The following PILRA variants were observed in gnomAD, a reference collection of about 807,000 sequenced individuals.
PILRA encodes the protein paired immunoglobulin-like type 2 receptor alpha.
A neutral mutation model predicts 33.1 loss-of-function variants in PILRA; 37 were observed. The ratio of observed to expected loss-of-function variants is 1.12; its 90% CI spans 0.86 to 1.47. The LOEUF is 1.47. Ranked by LOEUF, PILRA falls within the 40% of genes most tolerant of loss-of-function variation. The pLI, the probability that PILRA is intolerant of heterozygous loss-of-function variation, is 0.00. For missense variants in PILRA, 312 were observed against 376.2 expected, an observed-to-expected ratio of 0.83 and a Z score of 1.41; for synonymous variants, 146 against 149.9, an observed-to-expected ratio of 0.97 and a Z score of 0.19.
At chr7:100,383,739 G>A (rs1289031320) in intron 2 of PILRA, among the ~76,000 whole-genome samples, 2 of 151,848 alleles carry the variant, frequency 1.3e-5, no homozygotes, top group African/African-American at 2.4e-5. Context: ...TGGGTTCAAG[G>A]GATTCTCCTG....
intron 2 of PILRA, among the ~76,000 whole-genome samples, chr7:100,376,847 G>A (rs1191763345): frequency 2.8e-5 from 4 of 142,650 alleles, no homozygotes; most frequent in African/African-American, 5.2e-5. Flanking sequence ...CTGCAGTGTC[G>A]ACCTCCCAGG....
At chr7:100,399,403 C>T in intron 5 of PILRA, 63 bp downstream of exon 5, 1 of 1,465,694 alleles carries the variant, frequency 6.8e-7, no homozygotes, top group Non-Finnish European at 9.6e-7. Context: ...TCCCCAAATA[C>T]CCCCTACCTG....
chr7:100,382,164 G>A (rs1791120319), intron 2 of PILRA, among the ~76,000 whole-genome samples: 1 of 152,234 alleles, frequency 6.6e-6, no homozygotes, highest in Non-Finnish European at 1.5e-5. Context: ...CTGCCTGGTT[G>A]GGGATCCAAT....
At chr7:100,375,894 T>C (rs572628970) in intron 2 of PILRA, among the ~76,000 whole-genome samples, 3 of 152,226 alleles carry the variant, frequency 2.0e-5, no homozygotes, top group African/African-American at 7.2e-5. Context: ...CACTAATAGA[T>C]CTTCTGTTTT....
chr7:100,382,784 T>A (rs1429401980), intron 2 of PILRA, among the ~76,000 whole-genome samples: 1 of 152,166 alleles, frequency 6.6e-6, no homozygotes, highest in Non-Finnish European at 1.5e-5. Flanking sequence ...CTTTATGAGC[T>A]GTAACACTCA....
chr7:100,396,699 C>T (rs907402464), intron 3 of PILRA, among the ~76,000 whole-genome samples: 81 of 151,798 alleles, frequency 5.3e-4, no homozygotes, highest in African/African-American at 2.0e-3. Context: ...ACAGTATAAA[C>T]GAAACTGGAA....
upstream of PILRA, among the ~76,000 whole-genome samples, chr7:100,372,111 T>C (rs1251099260): frequency 1.3e-5 from 2 of 152,156 alleles, no homozygotes; most frequent in Non-Finnish European, 2.9e-5. Context: ...TTGTCCTCTC[T>C]GCAGCCCATC....
At chr7:100,373,906 G>A in intron 1 of PILRA, 138 bp from the exon 2 acceptor site, 2 of 1,277,426 alleles carry the variant, frequency 1.6e-6, no homozygotes, top group South Asian at 2.8e-5. Context: ...AAGAGTGGGA[G>A]ACCCAGGCCA....
chr7:100,386,462 C>T (rs1791253652), intron 2 of PILRA, among the ~76,000 whole-genome samples: 1 of 151,926 alleles, frequency 6.6e-6, no homozygotes, highest in Non-Finnish European at 1.5e-5. Context: ...CGAGATTGTA[C>T]CACTGCACTT....
intron 3 of PILRA, among the ~76,000 whole-genome samples, chr7:100,393,916 C>T (rs1791440512): frequency 6.6e-6 from 1 of 152,192 alleles, no homozygotes; most frequent in South Asian, 2.1e-4. Context: ...AGAGCCCCGG[C>T]CCTCTCCACA....
At chr7:100,399,536 C>A in intron 5 of PILRA, 45 bp from the exon 6 acceptor site, 1 of 1,610,916 alleles carries the variant, frequency 6.2e-7, no homozygotes. Flanking sequence ...TCTCCCCTGG[C>A]TGTCACGCCA....
Position 100,399,612 on chromosome 7 carries a change from G to A in PILRA, c.789G>A (p.Lys263=). ...GQNTDPKLNP[K]DDGIVYASLA... is the part of the protein sequence containing the mutation. ...ATACAGATCCCAAGCTAAATCCCAA[G>A]GTAAGCAATCAGACCAGGGCCTGAA... The change falls in exon 6 of 7, where the codon AAG becomes AAA. Residue 263 remains lysine (K), a splice_region_variant and synonymous_variant. Transcript: ENST00000198536. 6.2e-7 allele frequency: 1 copy of A among 1,614,062 alleles called. No homozygotes were observed. The highest frequency in any genetic ancestry group is 8.5e-7 in the Non-Finnish European group (1 of 1,180,002).
chr7:100,373,718 C>T lies in PILRA; in HGVS notation c.62C>T (p.Pro21Leu). The T allele has an allele frequency of 1.2e-6, 2 of 1,613,218 alleles. No individual in the cohort carries two copies. Among genetic ancestry groups the T allele is most frequent in the Non-Finnish European group, 1.7e-6 (2 of 1,179,966 alleles). The change falls in exon 1 of 7, where the codon CCT becomes CTT. Residue 21 changes from proline (P) to leucine (L), a missense_variant and splice_region_variant. Physicochemically the swap from Pro to Leu is moderately conservative, Grantham distance 98 (BLOSUM62 -3). Transcript: ENST00000198536. ...CTGCTGCCGCCAGCATTTCTGCAGC[C>T]TAGTGAGTACCCAGGACCACCCAGA... is the stretch of plus-strand genomic sequence containing the variant. ...PLLLPPAFLQ[P>L]SGSTGSGPSY... is the part of the protein sequence containing the mutation.
intron 2 of PILRA, among the ~76,000 whole-genome samples, chr7:100,377,045 G>C: frequency 6.6e-6 from 1 of 151,634 alleles, no homozygotes; most frequent in East Asian, 2.0e-4. Context: ...ATACAGGCAT[G>C]AGCCACTGTG....
chr7:100,399,562 C>A lies in PILRA; in HGVS notation c.758-19C>A. On this transcript the variant is annotated intron_variant, in intron 5 of 6. Coordinates refer to ENST00000198536, the MANE Select transcript of PILRA (RefSeq NM_013439.3). ...TGTCACGCCACCTGACCTTGGCACA[C>A]CTTGCTTTTTATTCTTAGGACAAAA... The A allele has an allele frequency of 6.2e-7, 1 of 1,614,150 alleles. No individual in the cohort carries two copies. The highest frequency in any genetic ancestry group is 1.3e-5 in the African/African-American group (1 of 75,026).
In PILRA at chr7:100,373,647, G is replaced by A; in HGVS notation, c.-10G>A. Reference sequence around the variant, plus strand: ...GCTGGTCTCCCCGTCCCCTGGAGAAGAACAAGGCCATGGGTCGGCCCCTGC... The same window carrying A: ...GCTGGTCTCCCCGTCCCCTGGAGAAAAACAAGGCCATGGGTCGGCCCCTGC... On this transcript the variant is annotated 5_prime_UTR_variant, in exon 1 of 7. Transcript: ENST00000198536. 2 of 1,613,528 alleles carry A rather than the reference G, an allele frequency of 1.2e-6. No individual in the cohort carries two copies. The highest frequency in any genetic ancestry group is 1.1e-5 in the South Asian group (1 of 91,084).
At chr7:100,382,895 C>T (rs1165871751) in intron 2 of PILRA, among the ~76,000 whole-genome samples, 3 of 152,130 alleles carry the variant, frequency 2.0e-5, no homozygotes, top group Non-Finnish European at 4.4e-5. Context: ...GAACAAACTC[C>T]GGACACGCCG....
chr7:100,388,749 CAAAAAAAAA>C (rs913179599), intron 2 of PILRA, among the ~76,000 whole-genome samples: 1 of 12,864 alleles, frequency 7.8e-5, no homozygotes, highest in East Asian at 3.3e-3. Context: ...GCCTCCGTCT[CAAAAAAAAA>C]AAAAAAAAAA....
At chr7:100,394,425 G>C (rs780386750) in intron 3 of PILRA, among the ~76,000 whole-genome samples, 2 of 151,790 alleles carry the variant, frequency 1.3e-5, no homozygotes, top group Admixed American at 6.6e-5. Context: ...GATAAATATT[G>C]ATGTAAACAT....
Sources: gnomAD v4.1 joint callset for allele counts (sites outside exome capture counted in the v4.1 genomes callset) on GRCh38, gnomAD v4.1.1 for gene constraint, MANE v1.5 for transcripts, NCBI Gene and HGNC (gene_info 2026-07-23, HGNC 2026-07-21) for gene names.